CCDC89: variants seen among roughly 807,000 people sequenced by gnomAD.
CCDC89 encodes the protein coiled-coil domain containing 89, also known as coiled-coil domain-containing protein 89.
Under a neutral mutation model 29.3 loss-of-function variants are expected in CCDC89, and 28 were observed. The observed-to-expected ratio is 0.96, with a 90% CI of 0.71 to 1.31. The LOEUF (loss-of-function observed/expected upper bound fraction) is 1.31. Among genes scored for constraint, CCDC89 ranks in the 50% most tolerant of loss-of-function variants. CCDC89 has a pLI of 0.00. For missense variants in CCDC89, 484 were observed against 442.3 expected, an observed-to-expected ratio of 1.09 and a Z score of -0.85; for synonymous variants, 191 against 179.7, an observed-to-expected ratio of 1.06 and a Z score of -0.51.
rs765598998 is a variant in CCDC89 at position 85,686,086 on chromosome 11, G to A, written c.45C>T (p.Asp15=). ...CTAAGCGTTCTTCAGGGGGCGGGGT[G>A]TCCATCCTGGGAGCCTGCTGTTTCT... ...MLQKQQAPRM[D]TPPPEERLEK... Residue 15 remains aspartate, a synonymous_variant, in exon 1 of 1, where the codon GAC becomes GAT. Transcript: ENST00000316398. 1.2e-6 allele frequency: 2 copies of A among 1,614,118 alleles called. No individual in the cohort carries two copies. The highest frequency in any genetic ancestry group is 2.2e-5 in the South Asian group (2 of 91,074).
Position 85,685,480 on chromosome 11 carries a change from C to T in CCDC89, c.651G>A (p.Gln217=), listed in dbSNP as rs758556093. The part of the protein sequence containing the change: ...REKELLELQS[Q]QACTHTKETE... ...TCTCCTTGGTGTGGGTGCAGGCCTG[C>T]TGGCTCTGTAGCTCCAGCAGCTCCT... Residue 217 remains glutamine, a synonymous_variant, in exon 1 of 1, where the codon CAG becomes CAA. Transcript: ENST00000316398. 3.7e-6 allele frequency: 6 copies of T among 1,613,572 alleles called. No homozygotes were observed. Among genetic ancestry groups the T allele is most frequent in the South Asian group, 1.1e-5 (1 of 91,086 alleles).
rs1471140973 is a variant in CCDC89, at chr11:85,685,468, G to C, written c.663C>G (p.Thr221=). 3 of 1,613,252 alleles carry C rather than the reference G, an allele frequency of 1.9e-6. No individual in the cohort carries two copies. The African/African-American group carries it at 4.0e-5, about 22-fold the overall frequency. ...GCAGCTGTTCTGTCTCCTTGGTGTGGGTGCAGGCCTGCTGGCTCTGTAGCT... is the reference window on the plus strand; with the variant it reads ...GCAGCTGTTCTGTCTCCTTGGTGTGCGTGCAGGCCTGCTGGCTCTGTAGCT... ...LLELQSQQAC[T]HTKETEQLRS... Residue 221 remains threonine, a synonymous_variant, in exon 1 of 1, where the codon ACC becomes ACG. Transcript: ENST00000316398.
In CCDC89 at chr11:85,686,123, G is replaced by C; in HGVS notation, c.8C>G (p.Ala3Gly). 1 of 1,612,460 alleles carries C rather than the reference G, an allele frequency of 6.2e-7. No homozygotes were observed. Among genetic ancestry groups the C allele is most frequent in the Non-Finnish European group, 8.5e-7 (1 of 1,179,328 alleles). Residue 3 changes from alanine (A) to glycine (G), a missense_variant, in exon 1 of 1, where the codon GCG (alanine) becomes GGG (glycine). By Grantham distance (60) the Ala-to-Gly change is moderately conservative. Transcript: ENST00000316398. ...AGCCTGCTGTTTCTGGAGCATAGGC[G>C]CTCTCATCCACTAAGGGCTGACTAC... Reference protein sequence around the residue: MRAPMLQKQQAPR... With the variant: MRGPMLQKQQAPR...
In CCDC89 at chr11:85,684,684, C is replaced by G. The variant is rs889584384; in HGVS notation, c.*322G>C. Among the ~76,000 whole-genome samples the G allele has an allele frequency of 2.0e-5, 3 of 152,088 alleles. No homozygotes were observed. On this transcript the variant is annotated 3_prime_UTR_variant, in exon 1 of 1. Transcript: ENST00000316398. Reference sequence around the variant, plus strand: ...AGATTGACTTAAATCATAGAAGCTGCTAATTTAAAATCCTAACATAAATGA... The same window carrying G: ...AGATTGACTTAAATCATAGAAGCTGGTAATTTAAAATCCTAACATAAATGA...
In CCDC89 at chr11:85,686,095, G is replaced by A. The variant is rs146599898; in HGVS notation, c.36C>T (p.Pro12=). 2.8e-5 allele frequency: 45 copies of A among 1,613,870 alleles called. No homozygotes were observed. Among genetic ancestry groups the A allele is most frequent in the Non-Finnish European group, 3.6e-5 (42 of 1,179,982 alleles). ...CTTCAGGGGGCGGGGTGTCCATCCTGGGAGCCTGCTGTTTCTGGAGCATAG... is the reference window on the plus strand; with the variant it reads ...CTTCAGGGGGCGGGGTGTCCATCCTAGGAGCCTGCTGTTTCTGGAGCATAG... ...RAPMLQKQQA[P]RMDTPPPEER... is the part of the protein sequence containing the mutation. Residue 12 remains proline, a synonymous_variant, in exon 1 of 1, where the codon CCC becomes CCT. Transcript: ENST00000316398.
In CCDC89 at chr11:85,684,804, T is replaced by A; in HGVS notation, c.*202A>T. ...AAGGCACAGAAGGAAATCTGGCAAA[T>A]CTTGTGTATTCTAGGTGTAGAAATG... On this transcript the variant is annotated 3_prime_UTR_variant, in exon 1 of 1. Coordinates refer to ENST00000316398, the MANE Select transcript of CCDC89 (RefSeq NM_152723.3). 1.7e-6 allele frequency: 1 copy of A among 577,706 alleles called. No individual in the cohort carries two copies. Among genetic ancestry groups the A allele is most frequent in the Non-Finnish European group, 2.9e-6 (1 of 349,216 alleles). 35.8% of individuals were successfully genotyped at this position (577,706 alleles called of 1,614,324 possible).
rs957125805 is a variant in CCDC89, at chr11:85,684,210, A to G, written c.*796T>C. 6.6e-6 allele frequency among the ~76,000 whole-genome samples: 1 copy of G among 152,156 alleles called. No individual in the cohort carries two copies. The highest frequency in any genetic ancestry group is 6.5e-5 in the Admixed American group (1 of 15,280). ...AAAATATGCTAATAGAAACAAAACA[A>G]TTTCTGAGTTACTCTATAGATCACG... is the stretch of plus-strand genomic sequence containing the variant. On this transcript the variant is annotated 3_prime_UTR_variant, in exon 1 of 1. Transcript: ENST00000316398.
Position 85,685,126 on chromosome 11 carries a change from AT to A in CCDC89, c.1004del (p.Asp335ValfsTer25). ...LRVRELQRKVDGIQKAYDELR... is the reference protein window; with the variant it reads ...LRVRELQRKVXGIQKAYDELR... Reference sequence around the variant, plus strand: ...GTTCATCGTAGGCCTTCTGGATCCCATCTACTTTGCGCTGAAGCTCCCTGAC... The same window carrying A: ...GTTCATCGTAGGCCTTCTGGATCCCACTACTTTGCGCTGAAGCTCCCTGAC... On this transcript the variant is annotated frameshift_variant, in exon 1 of 1. Transcript: ENST00000316398. LOFTEE classifies it high-confidence loss of function. 1 of 1,614,186 alleles carries A rather than the reference AT, an allele frequency of 6.2e-7. No individual in the cohort carries two copies. Among genetic ancestry groups the A allele is most frequent in the Non-Finnish European group, 8.5e-7 (1 of 1,180,032 alleles).
rs761899004 is a variant in CCDC89 at position 85,685,747 on chromosome 11, G to A, written c.384C>T (p.Thr128=). Residue 128 remains threonine, a synonymous_variant, in exon 1 of 1, where the codon ACC becomes ACT. Coordinates refer to ENST00000316398, the MANE Select transcript of CCDC89 (RefSeq NM_152723.3). The part of the protein sequence containing the change: ...YSRKLEERFM[T]LAANHELMLR... ...GCATCAACTCGTGGTTGGCTGCTAG[G>A]GTCATAAAGCGTTCCTCTAGTTTCC... 4 of 1,613,954 alleles carry A rather than the reference G, an allele frequency of 2.5e-6. No homozygotes were observed. The African/African-American group carries it at 5.3e-5, about 22-fold the overall frequency.
chr11:85,685,099 GAGT>G lies in CCDC89; in HGVS notation c.1029_1031del (p.Glu343_Leu344delinsAsp). 2 of 1,614,206 alleles carry G rather than the reference GAGT, an allele frequency of 1.2e-6. No homozygotes were observed. Among genetic ancestry groups the G allele is most frequent in the Non-Finnish European group, 1.7e-6 (2 of 1,180,038 alleles). ...TTTTGAAGGCTTCAGACTGCAGCCT[GAGT>G]TCATCGTAGGCCTTCTGGATCCCAT... On this transcript the variant is annotated inframe_deletion, in exon 1 of 1. Transcript: ENST00000316398.
In CCDC89 at chr11:85,685,953, TCTC is replaced by T; in HGVS notation, c.175_177del (p.Glu59del). The T allele has an allele frequency of 5.0e-6, 8 of 1,614,192 alleles. No individual in the cohort carries two copies. The highest frequency in any genetic ancestry group is 6.8e-6 in the Non-Finnish European group (8 of 1,180,026). On this transcript the variant is annotated inframe_deletion, in exon 1 of 1. Transcript: ENST00000316398. ...GAGCGAAGCATAGCCTTCTCGCTCC[TCTC>T]CTCCTCTGACAGTCCCCGGAGGTTT...
Position 85,685,743 on chromosome 11 carries a change from C to T in CCDC89, c.388G>A (p.Ala130Thr), listed in dbSNP as rs201380313. ...CGGAGCATCAACTCGTGGTTGGCTG[C>T]TAGGGTCATAAAGCGTTCCTCTAGT... ...RKLEERFMTLAANHELMLRFK... is the reference protein window; with the variant it reads ...RKLEERFMTLTANHELMLRFK... The change falls in exon 1 of 1, where the codon GCA becomes ACA. Residue 130 changes from alanine (A) to threonine (T), a missense_variant. Ala to Thr is a moderately conservative substitution (Grantham distance 58). Coordinates refer to ENST00000316398, the MANE Select transcript of CCDC89 (RefSeq NM_152723.3). 2 of 1,614,126 alleles carry T rather than the reference C, an allele frequency of 1.2e-6. No homozygotes were observed. The highest frequency in any genetic ancestry group is 1.7e-6 in the Non-Finnish European group (2 of 1,180,016).
rs570396663 is a variant in CCDC89, at chr11:85,685,485, TCTGTA to T, written c.641_645del (p.Leu214GlnfsTer34). On this transcript the variant is annotated frameshift_variant, in exon 1 of 1. Coordinates refer to ENST00000316398, the MANE Select transcript of CCDC89 (RefSeq NM_152723.3). LOFTEE classifies it high-confidence loss of function. Reference sequence around the variant, plus strand: ...TTGGTGTGGGTGCAGGCCTGCTGGCTCTGTAGCTCCAGCAGCTCCTTCTCGCGCGC... The same window carrying T: ...TTGGTGTGGGTGCAGGCCTGCTGGCTGCTCCAGCAGCTCCTTCTCGCGCGC... 1 of 1,613,658 alleles carries T rather than the reference TCTGTA, an allele frequency of 6.2e-7. No homozygotes were observed. Among genetic ancestry groups the T allele is most frequent in the South Asian group, 1.1e-5 (1 of 91,082 alleles).
chr11:85,685,609 C>G lies in CCDC89; in HGVS notation c.522G>C (p.Ala174=). ...ACCGGACTGTGAGCTGTAATACTTT[C>G]GCCTCCTCATCCTTCAGAGCCTGGC... The part of the protein sequence containing the change: ...LFSQALKDEE[A]KVLQLTVRCE... The change falls in exon 1 of 1, where the codon GCG becomes GCC. Residue 174 remains alanine (A), a synonymous_variant. Transcript: ENST00000316398. 6.2e-7 allele frequency: 1 copy of G among 1,614,182 alleles called. No individual in the cohort carries two copies. The highest frequency in any genetic ancestry group is 8.5e-7 in the Non-Finnish European group (1 of 1,180,050).
chr11:85,685,722 G>A lies in CCDC89; in HGVS notation c.409C>T (p.Leu137Phe), dbSNP rs747626311. The A allele has an allele frequency of 1.9e-6, 3 of 1,614,124 alleles. No homozygotes were observed. Among genetic ancestry groups the A allele is most frequent in the Admixed American group, 1.7e-5 (1 of 60,018 alleles). Residue 137 changes from leucine (L) to phenylalanine (F), a missense_variant, in exon 1 of 1, where the codon CTC becomes TTC. By Grantham distance (22) the Leu-to-Phe change is conservative. Coordinates refer to ENST00000316398, the MANE Select transcript of CCDC89 (RefSeq NM_152723.3). ...MTLAANHELMLRFKDEYKSEN... is the reference protein window; with the variant it reads ...MTLAANHELMFRFKDEYKSEN... ...CTCTTGTATTCATCCTTGAAGCGGA[G>A]CATCAACTCGTGGTTGGCTGCTAGG... is the stretch of plus-strand genomic sequence containing the variant.
chr11:85,685,552 C>A lies in CCDC89; in HGVS notation c.579G>T (p.Leu193=). The A allele has an allele frequency of 6.2e-7, 1 of 1,614,186 alleles. No individual in the cohort carries two copies. Among genetic ancestry groups the A allele is most frequent in the Non-Finnish European group, 8.5e-7 (1 of 1,180,026 alleles). The part of the protein sequence containing the change: ...CEALTGELET[L]KERCAQDACQ... Reference sequence around the variant, plus strand: ...AGGCATCCTGAGCACACCTCTCCTTCAGCGTTTCTAGCTCCCCAGTGAGGG... The same window carrying A: ...AGGCATCCTGAGCACACCTCTCCTTAAGCGTTTCTAGCTCCCCAGTGAGGG... Residue 193 remains leucine (L), a synonymous_variant, in exon 1 of 1, where the codon CTG becomes CTT. Coordinates refer to ENST00000316398, the MANE Select transcript of CCDC89 (RefSeq NM_152723.3).
chr11:85,684,894 G>T lies in CCDC89; in HGVS notation c.*112C>A. ...TAGTAAAGTAGCTTTTCTTTGAGTT[G>T]CCTTTTGTGCTTGAAAGTATAATAA... On this transcript the variant is annotated 3_prime_UTR_variant, in exon 1 of 1. Transcript: ENST00000316398. 1 of 1,138,614 alleles carries T rather than the reference G, an allele frequency of 8.8e-7. No homozygotes were observed. The allele number at this position is 1,138,614 out of a possible 1,614,324, so 70.5% of individuals were successfully genotyped here. A position where few individuals can be genotyped will look rare whatever the true frequency, so the allele number is the denominator to read the frequency against.
rs920004736 is a variant in CCDC89 at position 85,684,085 on chromosome 11, A to G, written c.*921T>C. Among the ~76,000 whole-genome samples, 1 of 152,186 alleles carries G rather than the reference A, an allele frequency of 6.6e-6. No homozygotes were observed. The highest frequency in any genetic ancestry group is 2.4e-5 in the African/African-American group (1 of 41,458). On this transcript the variant is annotated 3_prime_UTR_variant, in exon 1 of 1. Transcript: ENST00000316398. ...CATATATATATATCATGTTTTTATA[A>G]CTATTCTTACAAAATGTAGGTATTA...
chr11:85,685,803 C>T lies in CCDC89; in HGVS notation c.328G>A (p.Glu110Lys). The change falls in exon 1 of 1, where the codon GAG (glutamate) becomes AAG (lysine). Residue 110 changes from glutamate (E) to lysine (K), a missense_variant. Coordinates refer to ENST00000316398, the MANE Select transcript of CCDC89 (RefSeq NM_152723.3). ...TACTCACCCTGGGCCTTGAGCTTCT[C>T]AGCCTCCTGCATCATCTTCTCCTCC... ...ELEEKMMQEA[E>K]KLKAQGEYSR... 2 of 1,614,212 alleles carry T rather than the reference C, an allele frequency of 1.2e-6. No individual in the cohort carries two copies.
Sources: gnomAD v4.1 joint callset for allele counts (sites outside exome capture counted in the v4.1 genomes callset) on GRCh38, gnomAD v4.1.1 for gene constraint, MANE v1.5 for transcripts, NCBI Gene and HGNC (gene_info 2026-07-23, HGNC 2026-07-21) for gene names.